TBC1D2: variants seen among roughly 807,000 people sequenced by gnomAD.
TBC1D2 encodes TBC1 domain family member 2.
In TBC1D2, 58 loss-of-function variants were observed where a neutral mutation model predicts 91.1. That is an observed-to-expected ratio of 0.64 (90% CI 0.52 to 0.79). The LOEUF is 0.79. TBC1D2 is among the 30% of genes least tolerant of loss of function. The pLI, the probability that TBC1D2 is intolerant of heterozygous loss-of-function variation, is 0.00. For synonymous variants in TBC1D2, 482 were observed against 511.5 expected, an observed-to-expected ratio of 0.94 and a Z score of 0.78; for missense variants, 1,080 against 1,208.3, an observed-to-expected ratio of 0.89 and a Z score of 1.57.
chr9:98,225,521 A>C (rs1334344756), intron 5 of TBC1D2, among the ~76,000 whole-genome samples: 1 of 152,176 alleles, frequency 6.6e-6, no homozygotes, highest in Admixed American at 6.5e-5. Context: ...GACTTGGAGA[A>C]GGAGGTTAGG....
At chr9:98,232,340 C>CTTTTTTTTTTTT (rs1554754378) in intron 4 of TBC1D2, among the ~76,000 whole-genome samples, 1 of 52,048 alleles carries the variant, frequency 1.9e-5, no homozygotes, top group Non-Finnish European at 3.4e-5. Context: ...TTCTCTTTTT[C>CTTTTTTTTTTTT]TGTTTTTTTT....
In TBC1D2 at chr9:98,209,024, C is replaced by T. The variant is rs745892954; in HGVS notation, c.1794G>A (p.Val598=). 7 of 1,614,184 alleles carry T rather than the reference C, an allele frequency of 4.3e-6. No homozygotes were observed. The highest frequency in any genetic ancestry group is 5.9e-6 in the Non-Finnish European group (7 of 1,180,034). ...RSHHLLGLEA[V]DRPLRERWAA... is the part of the protein sequence containing the mutation. ...CCCAGCGCTCCCTCAGCGGCCGATC[C>T]ACAGCCTCGAGGCCCAGCAGGTGGT... Residue 598 remains valine, a synonymous_variant, in exon 9 of 13, where the codon GTG becomes GTA. Coordinates refer to ENST00000465784, the MANE Select transcript of TBC1D2 (RefSeq NM_001267571.2).
At chr9:98,246,052 G>C (rs2131287467) in intron 2 of TBC1D2, among the ~76,000 whole-genome samples, 1 of 152,296 alleles carries the variant, frequency 6.6e-6, no homozygotes, top group Non-Finnish European at 1.5e-5. Context: ...TGTTAAGCAA[G>C]CTTTCAAGGC....
At chr9:98,248,723 C>T (rs1033065079) in intron 2 of TBC1D2, among the ~76,000 whole-genome samples, 4 of 152,152 alleles carry the variant, frequency 2.6e-5, no homozygotes, top group African/African-American at 9.7e-5. Flanking sequence ...AATAAGATGA[C>T]GCATGTAAAG....
Position 98,203,306 on chromosome 9 carries a change from G to A in TBC1D2, c.2253C>T (p.Asn751=). Residue 751 remains asparagine (N), a synonymous_variant, in exon 10 of 13, where the codon AAC becomes AAT. Transcript: ENST00000465784. ...ETIMPADYYC[N]TLTASQVDQR... ...CACTTACCTGGGATGCCGTCAGCGT[G>A]TTGCAGTAGTAATCAGCGGGCATGA... 1 of 1,614,244 alleles carries A rather than the reference G, an allele frequency of 6.2e-7. No individual in the cohort carries two copies. Among genetic ancestry groups the A allele is most frequent in the Non-Finnish European group, 8.5e-7 (1 of 1,180,052 alleles).
At chr9:98,221,761 C>T (rs1203782364) in intron 5 of TBC1D2, among the ~76,000 whole-genome samples, 1 of 152,148 alleles carries the variant, frequency 6.6e-6, no homozygotes, top group East Asian at 1.9e-4. Context: ...TAGCGTCTCC[C>T]TCTGTTACCC....
intron 2 of TBC1D2, among the ~76,000 whole-genome samples, chr9:98,247,728 CAAAAAA>C (rs58713846): frequency 2.0e-4 from 14 of 70,836 alleles, no homozygotes; most frequent in Admixed American, 4.8e-4. Flanking sequence ...GACTCCGTCT[CAAAAAA>C]AAAAAAAAAA....
chr9:98,248,473 CAA>C (rs1290000064), intron 2 of TBC1D2, among the ~76,000 whole-genome samples: 2 of 152,136 alleles, frequency 1.3e-5, no homozygotes, highest in African/African-American at 4.8e-5. Flanking sequence ...GCTGCCTAGA[CAA>C]AAAAAGGGCC....
chr9:98,232,343 T>TTTTTTTTTTTG (rs72298863), intron 4 of TBC1D2, among the ~76,000 whole-genome samples: 32,713 of 108,254 alleles, frequency 0.3, 5,596 homozygotes, highest in Middle Eastern at 0.32. Flanking sequence ...TCTTTTTCTG[T>TTTTTTTTTTTG]TTTTTTTTTT....
intron 3 of TBC1D2, among the ~76,000 whole-genome samples, chr9:98,237,344 CAA>C (rs113459757): frequency 2.3e-4 from 24 of 102,912 alleles, no homozygotes; most frequent in Admixed American, 4.1e-4. Context: ...AAGACTGTCT[CAA>C]AAAAAAAAAA....
Position 98,210,793 on chromosome 9 carries a change from G to A in TBC1D2, c.1536C>T (p.Ala512=), listed in dbSNP as rs140433248. ...GGGCCTCCTGCAGCCTTCTCAGACC[G>A]GCCAGGTACTTGCTTTCCACCTGGC... is the stretch of plus-strand genomic sequence containing the variant. ...RNCQVESKYL[A]GLRRLQEALG... is the part of the protein sequence containing the mutation. The change falls in exon 8 of 13, where the codon GCC becomes GCT. Residue 512 remains alanine, a synonymous_variant. Transcript: ENST00000465784. 1.2e-3 allele frequency: 1,833 copies of A among 1,554,602 alleles called. 6 individuals are homozygous for A. Among genetic ancestry groups the A allele is most frequent in the Middle Eastern group, 5.8e-3 (35 of 5,992 alleles).
chr9:98,245,390 A>G (rs556965914), intron 2 of TBC1D2, among the ~76,000 whole-genome samples: 29 of 151,976 alleles, frequency 1.9e-4, no homozygotes, highest in Admixed American at 1.4e-3. Context: ...AGCATGGCAA[A>G]ACCCCATCTC....
Position 98,244,056 on chromosome 9 carries a change from A to C in TBC1D2, c.585T>G (p.Ala195=), listed in dbSNP as rs61752516. 8.1e-6 allele frequency: 13 copies of C among 1,612,332 alleles called. No homozygotes were observed. The South Asian group carries it at 1.4e-4, about 18-fold the overall frequency. The change falls in exon 3 of 13, where the codon GCT becomes GCG. Residue 195 remains alanine (A), a synonymous_variant. Coordinates refer to ENST00000465784, the MANE Select transcript of TBC1D2 (RefSeq NM_001267571.2). The stretch of plus-strand genomic sequence containing the variant: ...GAAGGGCAGGGAAGGGCTGCAAGGC[A>C]GCTGCCACGCCCACTAGCCCAGGGG... ...KTPPGLVGVA[A]ALQPFPALQN... is the part of the protein sequence containing the mutation.
chr9:98,208,786 A>C lies in TBC1D2; in HGVS notation c.2032T>G (p.Phe678Val). The C allele has an allele frequency of 6.3e-7, 1 of 1,588,536 alleles. No individual in the cohort carries two copies. The highest frequency in any genetic ancestry group is 8.6e-7 in the Non-Finnish European group (1 of 1,162,810). ...RQIELDLNRT[F>V]PNNKHFTCPT... Reference sequence around the variant, plus strand: ...CAGGTGAAGTGTTTGTTGTTGGGGAAGGTCCGGTTCAGGTCCAGCTCAATC... The same window carrying C: ...CAGGTGAAGTGTTTGTTGTTGGGGACGGTCCGGTTCAGGTCCAGCTCAATC... The change falls in exon 9 of 13, where the codon TTC becomes GTC. Residue 678 changes from phenylalanine to valine, a missense_variant. Coordinates refer to ENST00000465784, the MANE Select transcript of TBC1D2 (RefSeq NM_001267571.2).
chr9:98,219,345 T>C (rs1829040501), intron 6 of TBC1D2, among the ~76,000 whole-genome samples: 1 of 152,212 alleles, frequency 6.6e-6, no homozygotes, highest in African/African-American at 2.4e-5. Flanking sequence ...ACTGAGAGCT[T>C]TTCTCTCAAA....
chr9:98,201,525 T>G lies in TBC1D2; in HGVS notation c.2411A>C (p.Asn804Thr). Reference sequence around the variant, plus strand: ...GGCATCCCAGACCCGAAGGAGGATGTTGCTAATGAGACTGTCCGCAAAGAC... The same window carrying G: ...GGCATCCCAGACCCGAAGGAGGATGGTGCTAATGAGACTGTCCGCAAAGAC... ...LVVFADSLIS[N>T]ILLRVWDAFL... The change falls in exon 11 of 13, where the codon AAC becomes ACC. Residue 804 changes from asparagine (N) to threonine (T), a missense_variant. Physicochemically the swap from Asn to Thr is moderately conservative, Grantham distance 65. Transcript: ENST00000465784. The G allele has an allele frequency of 6.2e-7, 1 of 1,614,060 alleles. No homozygotes were observed. The highest frequency in any genetic ancestry group is 8.5e-7 in the Non-Finnish European group (1 of 1,179,988).
intron 3 of TBC1D2, among the ~76,000 whole-genome samples, chr9:98,237,344 CAAA>C (rs113459757): frequency 2.9e-5 from 3 of 102,916 alleles, no homozygotes. Context: ...AAGACTGTCT[CAAA>C]AAAAAAAAAA....
intron 6 of TBC1D2, among the ~76,000 whole-genome samples, chr9:98,215,307 T>C (rs1828943870): frequency 6.6e-6 from 1 of 152,178 alleles, no homozygotes. Context: ...AACTTATGAA[T>C]ACAGAGGCTG....
intron 1 of TBC1D2, among the ~76,000 whole-genome samples, chr9:98,252,301 G>A (rs1829889353): frequency 1.3e-5 from 2 of 152,240 alleles, no homozygotes; most frequent in Non-Finnish European, 2.9e-5. Flanking sequence ...GAGGTGCACT[G>A]AATTCTGATA....
Sources: gnomAD v4.1 joint callset for allele counts (sites outside exome capture counted in the v4.1 genomes callset) on GRCh38, gnomAD v4.1.1 for gene constraint, MANE v1.5 for transcripts, NCBI Gene and HGNC (gene_info 2026-07-23, HGNC 2026-07-21) for gene names.